PIK3CB: variants seen among roughly 807,000 people sequenced by gnomAD.
The protein encoded by PIK3CB is phosphatidylinositol-4,5-bisphosphate 3-kinase catalytic subunit beta.
Under a neutral mutation model 136.8 loss-of-function variants are expected in PIK3CB, and 39 were observed. The observed-to-expected ratio is 0.29, with a 90% confidence interval of 0.22 to 0.37. The LOEUF (loss-of-function observed/expected upper bound fraction) is 0.37. PIK3CB is among the 10% of genes least tolerant of loss of function. PIK3CB has a pLI of 1.00. For missense variants in PIK3CB, 868 were observed against 1,275.4 expected, an observed-to-expected ratio of 0.68 and a Z score of 4.87; for synonymous variants, 428 against 436.6, an observed-to-expected ratio of 0.98 and a Z score of 0.25.
At chr3:138,665,860 A>C (rs1235232707) in intron 19 of PIK3CB, among the ~76,000 whole-genome samples, 1 of 152,198 alleles carries the variant, frequency 6.6e-6, no homozygotes. Flanking sequence ...GTGAGCCACC[A>C]CATCAGAGCA....
intron 22 of PIK3CB, 143 bp downstream of exon 22, chr3:138,657,547 C>T: frequency 1.6e-6 from 1 of 644,380 alleles, no homozygotes; most frequent in Non-Finnish European, 2.6e-6. Flanking sequence ...AATAATCTGA[C>T]AGGCAAATTC....
chr3:138,675,364 G>A (rs935859497), intron 19 of PIK3CB, among the ~76,000 whole-genome samples: 1 of 152,068 alleles, frequency 6.6e-6, no homozygotes, highest in East Asian at 1.9e-4. Context: ...TGGCGTTTAA[G>A]AAGGAGATGA....
chr3:138,705,190 C>CAAAAA (rs1281520471), intron 11 of PIK3CB, among the ~76,000 whole-genome samples: 1 of 53,250 alleles, frequency 1.9e-5, no homozygotes, highest in Non-Finnish European at 3.2e-5. Context: ...ACAAAACAAA[C>CAAAAA]AAAAAAAAAA....
At chr3:138,751,047 C>T (rs1413689875) in intron 4 of PIK3CB, among the ~76,000 whole-genome samples, 4 of 152,104 alleles carry the variant, frequency 2.6e-5, no homozygotes, top group Non-Finnish European at 4.4e-5. Context: ...GTTAGAATCA[C>T]ATAAAAAAAT....
intron 16 of PIK3CB, among the ~76,000 whole-genome samples, chr3:138,685,304 G>A (rs1008626029): frequency 3.6e-5 from 5 of 137,450 alleles, no homozygotes; most frequent in African/African-American, 1.4e-4. Context: ...TGAGGCATAA[G>A]AATCGCTTTA....
chr3:138,826,737 G>A (rs1320166008), intron 1 of PIK3CB, among the ~76,000 whole-genome samples: 1 of 151,990 alleles, frequency 6.6e-6, no homozygotes, highest in East Asian at 1.9e-4. Context: ...TGTGCAATGG[G>A]AGGGTCTCAG....
At chr3:138,656,848 G>C (rs997022668) in intron 22 of PIK3CB, among the ~76,000 whole-genome samples, 5 of 152,010 alleles carry the variant, frequency 3.3e-5, no homozygotes, top group Non-Finnish European at 1.5e-5. Flanking sequence ...TTGGCTCACT[G>C]CAACTTCTGC....
At chr3:138,693,988 ATATATT>A (rs1357825443) in intron 14 of PIK3CB, among the ~76,000 whole-genome samples, 2 of 112,062 alleles carry the variant, frequency 1.8e-5, no homozygotes, top group African/African-American at 7.1e-5. Context: ...ATATATATAT[ATATATT>A]TTAAACCCAT....
At chr3:138,747,057 TATATATATATATATATATATATATATATA>T (rs2045370684) in intron 4 of PIK3CB, among the ~76,000 whole-genome samples, 2 of 1,944 alleles carry the variant, frequency 1.0e-3, no homozygotes, top group African/African-American at 5.3e-3. Context: ...TCAGCCTTTA[TATATATATATATATATATATATATATATA>T]TATATATATA....
chr3:138,822,493 G>A (rs931628890), intron 1 of PIK3CB, among the ~76,000 whole-genome samples: 7 of 151,080 alleles, frequency 4.6e-5, no homozygotes, highest in East Asian at 2.0e-4. Context: ...CCAAGTTCAC[G>A]ACACTGTACT....
intron 1 of PIK3CB, among the ~76,000 whole-genome samples, chr3:138,807,503 A>G (rs886663222): frequency 1.3e-5 from 2 of 152,220 alleles, no homozygotes; most frequent in African/African-American, 4.8e-5. Context: ...ATGCCAATAC[A>G]CTATAAACTT....
intron 1 of PIK3CB, among the ~76,000 whole-genome samples, chr3:138,817,354 A>C (rs1348283492): frequency 6.6e-6 from 1 of 151,776 alleles, no homozygotes; most frequent in Non-Finnish European, 1.5e-5. Context: ...ACAAAAACAA[A>C]AACAAAAAAA....
At chr3:138,659,456 G>A (rs1022527311) in intron 21 of PIK3CB, among the ~76,000 whole-genome samples, 4 of 151,932 alleles carry the variant, frequency 2.6e-5, no homozygotes, top group African/African-American at 4.8e-5. Flanking sequence ...GGCGGAGGCT[G>A]CAGTGAGCCG....
chr3:138,704,298 C>T, intron 12 of PIK3CB, 145 bp downstream of exon 12: 2 of 659,792 alleles, frequency 3.0e-6, no homozygotes, highest in Non-Finnish European at 5.4e-6. Context: ...TAACAAAACA[C>T]TATCATGTGC....
chr3:138,828,260 A>C (rs1271803786), intron 1 of PIK3CB, among the ~76,000 whole-genome samples: 1 of 135,668 alleles, frequency 7.4e-6, no homozygotes, highest in Admixed American at 8.7e-5. Flanking sequence ...ATCTCGGCTC[A>C]CTGCAAGCTC....
At chr3:138,674,029 T>C (rs565611350) in intron 19 of PIK3CB, among the ~76,000 whole-genome samples, 50 of 152,142 alleles carry the variant, frequency 3.3e-4, no homozygotes, top group Non-Finnish European at 5.7e-4. Context: ...CAGAGGCATC[T>C]GTTTAACATT....
At chr3:138,719,902 A>T (rs979672105) in intron 8 of PIK3CB, among the ~76,000 whole-genome samples, 1 of 151,044 alleles carries the variant, frequency 6.6e-6, no homozygotes, top group East Asian at 1.9e-4. Flanking sequence ...AAACACTGAC[A>T]AAAAAAAAGG....
At chr3:138,779,254 T>A (rs1338267042) in intron 2 of PIK3CB, among the ~76,000 whole-genome samples, 3 of 151,376 alleles carry the variant, frequency 2.0e-5, no homozygotes, top group Admixed American at 2.0e-4. Flanking sequence ...CCCGGCTAAT[T>A]TTTTTGTATT....
rs767657138 is a variant in PIK3CB at position 138,683,778 on chromosome 3, C to T, written c.2325G>A (p.Lys775=). Residue 775 remains lysine, a synonymous_variant, in exon 18 of 24, where the codon AAG becomes AAA. Transcript: ENST00000674063. ...TCATTTTGGAATCCATGTATTTGCA[C>T]TTTTCAACACTGAAATCAAGTGGGG... ...CVILSELYVE[K]CKYMDSKMKP... is the part of the protein sequence containing the mutation. 1 of 1,552,792 alleles carries T rather than the reference C, an allele frequency of 6.4e-7. No homozygotes were observed. The highest frequency in any genetic ancestry group is 1.1e-5 in the South Asian group (1 of 89,666).
Sources: gnomAD v4.1 joint callset for allele counts (sites outside exome capture counted in the v4.1 genomes callset) on GRCh38, gnomAD v4.1.1 for gene constraint, MANE v1.5 for transcripts, NCBI Gene and HGNC (gene_info 2026-07-23, HGNC 2026-07-21) for gene names.